ZMAT4: variants seen among roughly 807,000 people sequenced by gnomAD.
The protein encoded by ZMAT4 is zinc finger matrin-type 4.
ZMAT4 carries 17 observed loss-of-function variants against 28.7 expected under a neutral mutation model. That is an observed-to-expected ratio of 0.59 (90% confidence interval 0.41 to 0.89). ZMAT4 has a LOEUF of 0.89. Among genes scored for constraint, ZMAT4 ranks in the 40% least tolerant of loss-of-function variants. The pLI is 0.00. For synonymous variants in ZMAT4, 117 were observed against 109.2 expected (o/e 1.07, Z -0.44); for missense variants, 240 against 283.8 (o/e 0.85, Z 1.11).
chr8:40,806,526 T>C (rs1815091213), intron 2 of ZMAT4, among the ~76,000 whole-genome samples: 2 of 152,176 alleles, frequency 1.3e-5, no homozygotes, highest in South Asian at 2.1e-4. Context: ...CCACATTTCG[T>C]TTTTAATTAT....
chr8:40,881,503 A>AAAG lies in ZMAT4; in HGVS notation c.-5+16179_-5+16180insCTT, dbSNP rs1563263617. Among the ~76,000 whole-genome samples, 12 of 118,218 alleles carry AAAG rather than the reference A, an allele frequency of 1.0e-4. No homozygotes were observed. In the South Asian group the frequency reaches 2.8e-3, roughly 28 times the overall value. 77.6% of individuals were successfully genotyped at this position (118,218 alleles called of 152,430 possible). A position where few individuals can be genotyped will look rare whatever the true frequency, so the allele number is the denominator to read the frequency against. On this transcript the variant is annotated intron_variant, in intron 1 of 6. Coordinates refer to ENST00000297737, the MANE Select transcript of ZMAT4 (RefSeq NM_024645.3). ...AGAAAGAAAGAAAGAAAGAAAGAGG[A>AAAG]AGGAAGGAAGGGGAGAGAGAGAGAC...
At position 40,650,094 on chromosome 8, in the gene ZMAT4, A is replaced by G. The variant is rs551325922; in HGVS notation, c.577+24610T>C. 4.3e-3 allele frequency among the ~76,000 whole-genome samples: 650 copies of G among 152,322 alleles called. 4 individuals are homozygous for G. The highest frequency in any genetic ancestry group is 0.014 in the African/African-American group (569 of 41,554). On this transcript the variant is annotated intron_variant, in intron 5 of 6. Transcript: ENST00000297737. ...TAAAATCAGAGCAGAACTGAAGGAA[A>G]TAGAGACACAAAAAACCCTTCAAAA...
intron 3 of ZMAT4, among the ~76,000 whole-genome samples, chr8:40,738,447 G>T (rs924481641): frequency 6.6e-6 from 1 of 152,154 alleles, no homozygotes; most frequent in African/African-American, 2.4e-5. Context: ...GGATCAAAGA[G>T]CATAAAGGCT....
In ZMAT4 at chr8:40,568,037, G is replaced by C. The variant is rs146977228; in HGVS notation, c.674+13128C>G. 3.7e-3 allele frequency among the ~76,000 whole-genome samples: 566 copies of C among 152,198 alleles called. 3 individuals carry two copies. The highest frequency in any genetic ancestry group is 0.013 in the African/African-American group (533 of 41,534). ...ACCTTCCTAAAATCAAAATGGTAAA[G>C]AAATTCCACGTAGAGAATCCCACAG... is the stretch of plus-strand genomic sequence containing the variant. On this transcript the variant is annotated intron_variant, in intron 6 of 6. Transcript: ENST00000297737.
intron 4 of ZMAT4, among the ~76,000 whole-genome samples, chr8:40,680,566 G>A (rs575052538): frequency 3.3e-5 from 5 of 152,162 alleles, no homozygotes; most frequent in South Asian, 4.2e-4. Flanking sequence ...GGGTGACACC[G>A]TCAGCAGTGA....
intron 4 of ZMAT4, among the ~76,000 whole-genome samples, chr8:40,689,488 A>T (rs1168971824): frequency 6.6e-6 from 1 of 152,252 alleles, no homozygotes; most frequent in African/African-American, 2.4e-5. Flanking sequence ...TAAAGAAACC[A>T]ATCTGAGCAT....
intron 2 of ZMAT4, among the ~76,000 whole-genome samples, chr8:40,799,050 G>C (rs1166103661): frequency 6.6e-6 from 1 of 151,074 alleles, no homozygotes; most frequent in Non-Finnish European, 1.5e-5. Flanking sequence ...TAGATGGCTG[G>C]CTGGCTGGCT....
At chr8:40,655,466 T>C (rs1807873287) in intron 5 of ZMAT4, among the ~76,000 whole-genome samples, 1 of 149,076 alleles carries the variant, frequency 6.7e-6, no homozygotes, top group African/African-American at 2.5e-5. Context: ...AAAATTCATA[T>C]GAAAATTTAA....
At chr8:40,762,028 C>T (rs1812962014) in intron 3 of ZMAT4, among the ~76,000 whole-genome samples, 2 of 152,208 alleles carry the variant, frequency 1.3e-5, no homozygotes, top group South Asian at 4.1e-4. Flanking sequence ...GGAAGCCAAA[C>T]ACACAGCACT....
At chr8:40,672,033 C>G (rs2150469614) in intron 5 of ZMAT4, among the ~76,000 whole-genome samples, 1 of 151,886 alleles carries the variant, frequency 6.6e-6, no homozygotes, top group South Asian at 2.1e-4. Flanking sequence ...AATGAGCAAA[C>G]CAGACATAAA....
At chr8:40,892,470 G>A (rs1027515290) in intron 1 of ZMAT4, among the ~76,000 whole-genome samples, 3 of 152,226 alleles carry the variant, frequency 2.0e-5, no homozygotes, top group South Asian at 2.1e-4. Context: ...GGAGTGGAGT[G>A]CATGGTGTTA....
intron 2 of ZMAT4, among the ~76,000 whole-genome samples, chr8:40,773,448 T>G (rs1184912105): frequency 2.0e-5 from 3 of 151,798 alleles, no homozygotes; most frequent in Non-Finnish European, 1.5e-5. Context: ...CAATCACACA[T>G]AGCAGGGAAA....
intron 1 of ZMAT4, among the ~76,000 whole-genome samples, chr8:40,881,976 A>G (rs1212280766): frequency 5.3e-5 from 8 of 152,166 alleles, no homozygotes; most frequent in African/African-American, 1.7e-4. Context: ...AAGCCTGCCC[A>G]GGGCCTAATT....
intron 2 of ZMAT4, among the ~76,000 whole-genome samples, chr8:40,788,142 A>T (rs1004462048): frequency 7.9e-5 from 12 of 152,226 alleles, no homozygotes; most frequent in Non-Finnish European, 1.5e-4. Flanking sequence ...GACACTAATC[A>T]TGAATATCAG....
At chr8:40,848,012 G>T (rs1348899983) in intron 1 of ZMAT4, among the ~76,000 whole-genome samples, 1 of 152,170 alleles carries the variant, frequency 6.6e-6, no homozygotes, top group African/African-American at 2.4e-5. Context: ...CTGCCTTCTG[G>T]CAGTGGGCAA....
At chr8:40,747,528 C>T (rs546990579) in intron 3 of ZMAT4, among the ~76,000 whole-genome samples, 27 of 117,630 alleles carry the variant, frequency 2.3e-4, no homozygotes, top group African/African-American at 5.8e-4. Context: ...TTCTCTTTCC[C>T]CTTTTTTTTG....
In ZMAT4 at chr8:40,868,857, C is replaced by T. The variant is rs1333092562; in HGVS notation, c.-5+28826G>A. Among the ~76,000 whole-genome samples, 5 of 152,232 alleles carry T rather than the reference C, an allele frequency of 3.3e-5. No homozygotes were observed. The East Asian group carries it at 5.8e-4, about 18-fold the overall frequency. On this transcript the variant is annotated intron_variant, in intron 1 of 6. Transcript: ENST00000297737. ...TTCAACTCCACTTGTCTAGTTCATA[C>T]TGCACACCCCCGCCAGAAGATTCAC...
At chr8:40,658,103 G>C (rs1808009685) in intron 5 of ZMAT4, among the ~76,000 whole-genome samples, 2 of 151,742 alleles carry the variant, frequency 1.3e-5, no homozygotes. Flanking sequence ...GATTCTCTTG[G>C]CTCTTTTTGT....
At chr8:40,634,460 A>G (rs181755158) in intron 5 of ZMAT4, among the ~76,000 whole-genome samples, 3 of 152,306 alleles carry the variant, frequency 2.0e-5, no homozygotes, top group East Asian at 3.9e-4. Context: ...CTAAAAAATC[A>G]TTTTTTACAA....
Sources: gnomAD v4.1 joint callset for allele counts (sites outside exome capture counted in the v4.1 genomes callset) on GRCh38, gnomAD v4.1.1 for gene constraint, MANE v1.5 for transcripts, NCBI Gene and HGNC (gene_info 2026-07-23, HGNC 2026-07-21) for gene names.